The following GFRA2 variants were observed in gnomAD, a reference collection of about 807,000 sequenced individuals.
The protein encoded by GFRA2 is GDNF family receptor alpha 2, also known as GDNF family receptor alpha-2.
GFRA2 carries 17 observed loss-of-function variants against 48.3 expected under a neutral mutation model. That is an observed-to-expected ratio of 0.35 (90% confidence interval 0.24 to 0.53). GFRA2 has a LOEUF of 0.53. Ranked by LOEUF, GFRA2 falls within the 20% of genes least tolerant of loss-of-function variation. The pLI, the probability that GFRA2 is intolerant of heterozygous loss-of-function variation, is 0.93. For synonymous variants in GFRA2, 305 were observed against 257.2 expected (o/e 1.19, Z -1.78); for missense variants, 660 against 637.3 (o/e 1.04, Z -0.38).
rs892741455 is a variant in GFRA2 at position 21,770,998 on chromosome 8, C to T, written c.439+3974G>A. Among the ~76,000 whole-genome samples, 23 of 152,292 alleles carry T rather than the reference C, an allele frequency of 1.5e-4. No homozygotes were observed. In the South Asian group the frequency reaches 4.8e-3, roughly 32 times the overall value. On this transcript the variant is annotated intron_variant, in intron 3 of 8. Transcript: ENST00000524240. The stretch of plus-strand genomic sequence containing the variant: ...GATGCTCCACTTCAGCTCCTCAACC[C>T]CTGCATCCAACTAAACAACCTCCTG...
intron 3 of GFRA2, among the ~76,000 whole-genome samples, chr8:21,753,159 GT>G (rs1469849965): frequency 6.6e-6 from 1 of 152,186 alleles, no homozygotes; most frequent in Non-Finnish European, 1.5e-5. Flanking sequence ...CTCTATATGT[GT>G]GCTGTCTGAT....
chr8:21,768,801 C>G (rs1332512060), intron 3 of GFRA2, among the ~76,000 whole-genome samples: 1 of 152,156 alleles, frequency 6.6e-6, no homozygotes, highest in Non-Finnish European at 1.5e-5. Flanking sequence ...ATCCTGAGCT[C>G]TGTCATGGAG....
chr8:21,767,321 C>T (rs1341686632), intron 3 of GFRA2, among the ~76,000 whole-genome samples: 4 of 152,096 alleles, frequency 2.6e-5, no homozygotes, highest in Admixed American at 6.5e-5. Flanking sequence ...ACACACCCCA[C>T]CTCTCTCACA....
At chr8:21,729,282 A>T (rs1804059871) in intron 4 of GFRA2, among the ~76,000 whole-genome samples, 1 of 152,140 alleles carries the variant, frequency 6.6e-6, no homozygotes, top group South Asian at 2.1e-4. Context: ...GTGAGCCGTG[A>T]TCACACCACT....
At chr8:21,774,853 G>A in intron 3 of GFRA2, 119 bp downstream of exon 3, 2 of 668,320 alleles carry the variant, frequency 3.0e-6, no homozygotes, top group Admixed American at 2.1e-5. Context: ...TGAGGGACGA[G>A]CTGATGGGCA....
chr8:21,787,315 C>T (rs948482837), intron 1 of GFRA2, among the ~76,000 whole-genome samples: 11 of 150,926 alleles, frequency 7.3e-5, no homozygotes, highest in Admixed American at 4.0e-4. Context: ...TTTGTTCAGA[C>T]CCGTTTTTCC....
intron 1 of GFRA2, among the ~76,000 whole-genome samples, chr8:21,787,577 C>T (rs1414163050): frequency 6.6e-6 from 1 of 152,124 alleles, no homozygotes; most frequent in African/African-American, 2.4e-5. Flanking sequence ...GTTTGCCAGG[C>T]GCGGCTGGCA....
chr8:21,783,083 G>T (rs938327811), intron 1 of GFRA2, 184 bp from the exon 2 acceptor site: 2 of 709,610 alleles, frequency 2.8e-6, no homozygotes, highest in Non-Finnish European at 5.1e-6. Context: ...ATCCTCCCCT[G>T]GATGTAGGAG....
rs1806250515 is a variant in GFRA2, at chr8:21,767,791, G to C, written c.439+7181C>G. 2.0e-5 allele frequency among the ~76,000 whole-genome samples: 3 copies of C among 152,334 alleles called. No individual in the cohort carries two copies. The South Asian group carries it at 6.2e-4, about 32-fold the overall frequency. On this transcript the variant is annotated intron_variant, in intron 3 of 8. Transcript: ENST00000524240. The stretch of plus-strand genomic sequence containing the variant: ...GAAATACCACCATGAAAGAGGCTTT[G>C]GTTGTGGGAGGGGGCACTAAATTTT...
chr8:21,743,098 C>G (rs1041838429), intron 4 of GFRA2, among the ~76,000 whole-genome samples: 2 of 152,170 alleles, frequency 1.3e-5, no homozygotes, highest in Non-Finnish European at 2.9e-5. Flanking sequence ...GGGAGGGTCA[C>G]TCGGGGACCC....
intron 3 of GFRA2, among the ~76,000 whole-genome samples, chr8:21,757,838 C>T (rs1216251627): frequency 6.6e-6 from 1 of 152,216 alleles, no homozygotes; most frequent in Admixed American, 6.5e-5. Context: ...ATCTGTTTAA[C>T]TCCTTATTGA....
chr8:21,753,149 C>CTCTA (rs1329231062), intron 3 of GFRA2, among the ~76,000 whole-genome samples: 1 of 152,208 alleles, frequency 6.6e-6, no homozygotes, highest in African/African-American at 2.4e-5. Flanking sequence ...ACCTACACAC[C>CTCTA]TCTATATGTG....
intron 1 of GFRA2, among the ~76,000 whole-genome samples, chr8:21,806,943 C>A (rs1807883560): frequency 1.3e-5 from 2 of 152,200 alleles, no homozygotes; most frequent in African/African-American, 4.8e-5. Context: ...AAGGCAGCTA[C>A]AATGTCGCTA....
At chr8:21,728,211 G>A (rs1210712317) in intron 4 of GFRA2, among the ~76,000 whole-genome samples, 1 of 150,292 alleles carries the variant, frequency 6.7e-6, no homozygotes, top group Non-Finnish European at 1.5e-5. Flanking sequence ...AGGACACACT[G>A]GATTCCTGGG....
At chr8:21,739,242 T>A (rs184762844) in intron 4 of GFRA2, among the ~76,000 whole-genome samples, 4 of 152,322 alleles carry the variant, frequency 2.6e-5, no homozygotes, top group African/African-American at 9.6e-5. Flanking sequence ...GTCCTCATTC[T>A]GCTCTAAGCA....
rs1285280462 is a variant in GFRA2, at chr8:21,782,641, T to C, written c.299A>G (p.Lys100Arg). 21 of 1,586,190 alleles carry C rather than the reference T, an allele frequency of 1.3e-5. No individual in the cohort carries two copies. Among genetic ancestry groups the C allele is most frequent in the Non-Finnish European group, 1.8e-5 (21 of 1,166,864 alleles). Reference sequence around the variant, plus strand: ...GATCTGCAGACACTGCAGCTCCTTCTTCATGCCCCGCTTGCAGCGGCAGTC... The same window carrying C: ...GATCTGCAGACACTGCAGCTCCTTCCTCATGCCCCGCTTGCAGCGGCAGTC... ...LYDCRCKRGM[K>R]KELQCLQIYW... Residue 100 changes from lysine (K) to arginine (R), a missense_variant, in exon 2 of 9, where the codon AAG becomes AGG. By Grantham distance (26) the Lys-to-Arg change is conservative. Coordinates refer to ENST00000524240, the MANE Select transcript of GFRA2 (RefSeq NM_001495.5).
chr8:21,734,953 A>G (rs1373024504), intron 4 of GFRA2, among the ~76,000 whole-genome samples: 1 of 152,198 alleles, frequency 6.6e-6, no homozygotes, highest in South Asian at 2.1e-4. Flanking sequence ...TGAGAACAGA[A>G]GCTCCAAAGA....
At chr8:21,758,254 C>A (rs1017064334) in intron 3 of GFRA2, among the ~76,000 whole-genome samples, 5 of 152,054 alleles carry the variant, frequency 3.3e-5, no homozygotes, top group African/African-American at 4.8e-5. Flanking sequence ...ATTTAGCAAG[C>A]CTGCCCTTCA....
Position 21,702,934 on chromosome 8 carries a change from C to A in GFRA2, c.1089G>T (p.Val363=). The A allele has an allele frequency of 6.4e-7, 1 of 1,574,590 alleles. No individual in the cohort carries two copies. The highest frequency in any genetic ancestry group is 8.6e-7 in the Non-Finnish European group (1 of 1,163,708). ...QAFGNGTDVN[V]SPKGPSFQAT... ...CCTGGAACGAGGGGCCTTTTGGGGACACGTTCACGTCCGTGCCGTTGCCAA... is the reference window on the plus strand; with the variant it reads ...CCTGGAACGAGGGGCCTTTTGGGGAAACGTTCACGTCCGTGCCGTTGCCAA... The change falls in exon 7 of 9, where the codon GTG becomes GTT. Residue 363 remains valine (V), a synonymous_variant. Coordinates refer to ENST00000524240, the MANE Select transcript of GFRA2 (RefSeq NM_001495.5).
Sources: allele counts gnomAD v4.1 joint callset (sites outside exome capture counted in the v4.1 genomes callset), GRCh38; gene constraint gnomAD v4.1.1; transcripts MANE v1.5; gene names NCBI Gene and HGNC (gene_info 2026-07-23, HGNC 2026-07-21).